Variants in SGCZ observed in about 807,000 individuals in gnomAD.
SGCZ encodes the protein sarcoglycan zeta.
In SGCZ, 40 loss-of-function variants were observed where a neutral mutation model predicts 41.3. That is an observed-to-expected ratio of 0.97 (90% CI 0.75 to 1.26). The LOEUF (loss-of-function observed/expected upper bound fraction) is 1.26. Ranked by LOEUF, SGCZ falls within the 50% of genes most tolerant of loss-of-function variation. SGCZ has a pLI of 0.00. For missense variants in SGCZ, 552 were observed against 369.8 expected, an observed-to-expected ratio of 1.49 and a Z score of -4.04; for synonymous variants, 206 against 137.5, an observed-to-expected ratio of 1.50 and a Z score of -3.49.
rs567343406 is a variant in SGCZ, at chr8:14,627,139, T to C, written c.40-72213A>G. Among the ~76,000 whole-genome samples, 10 of 152,342 alleles carry C rather than the reference T, an allele frequency of 6.6e-5. No homozygotes were observed. The South Asian group carries it at 2.1e-3, about 32-fold the overall frequency. ...TGATACAAATTGTTAATACATTTAC[T>C]AGTAAAATATGTATTCTTTGAAAAT... On this transcript the variant is annotated intron_variant, in intron 1 of 7. Transcript: ENST00000382080.
chr8:14,546,057 G>C (rs1275018022), intron 2 of SGCZ, among the ~76,000 whole-genome samples: 1 of 152,168 alleles, frequency 6.6e-6, no homozygotes, highest in African/African-American at 2.4e-5. Flanking sequence ...TCATCTGAGA[G>C]GGACAATTTG....
At chr8:14,594,345 C>T (rs866398933) in intron 1 of SGCZ, among the ~76,000 whole-genome samples, 1 of 151,740 alleles carries the variant, frequency 6.6e-6, no homozygotes. Flanking sequence ...GGTACCTAAC[C>T]TTAGGAAACA....
At chr8:14,428,761 G>T (rs1356748946) in intron 2 of SGCZ, among the ~76,000 whole-genome samples, 3 of 152,184 alleles carry the variant, frequency 2.0e-5, no homozygotes, top group Non-Finnish European at 4.4e-5. Context: ...GAGGAAGCTT[G>T]TTGAGGAGGT....
intron 1 of SGCZ, among the ~76,000 whole-genome samples, chr8:14,599,703 G>C (rs1027017706): frequency 6.6e-6 from 1 of 152,026 alleles, no homozygotes; most frequent in South Asian, 2.1e-4. Flanking sequence ...AAATGAACAC[G>C]TGTCCCTCTC....
At chr8:14,208,195 G>C (rs1231551686) in intron 4 of SGCZ, among the ~76,000 whole-genome samples, 2 of 152,174 alleles carry the variant, frequency 1.3e-5, no homozygotes, top group African/African-American at 4.8e-5. Flanking sequence ...CAGCTCTGTT[G>C]AAAGTTTTGG....
intron 1 of SGCZ, among the ~76,000 whole-genome samples, chr8:14,629,197 C>A (rs1024200718): frequency 2.6e-5 from 4 of 152,060 alleles, no homozygotes; most frequent in Admixed American, 6.6e-5. Flanking sequence ...ATATGGCAGC[C>A]TTCCAATACT....
At chr8:15,005,638 C>T (rs1330751686) in intron 1 of SGCZ, among the ~76,000 whole-genome samples, 1 of 89,814 alleles carries the variant, frequency 1.1e-5, no homozygotes, top group East Asian at 2.8e-4. Flanking sequence ...GGCAATCCCC[C>T]ATTTTTTTTC....
intron 2 of SGCZ, among the ~76,000 whole-genome samples, chr8:14,476,150 G>A (rs1214143242): frequency 1.3e-5 from 2 of 152,252 alleles, no homozygotes; most frequent in East Asian, 3.9e-4. Flanking sequence ...TGACGGCTGG[G>A]AAAACACTAT....
chr8:15,171,607 T>C (rs1183087543), intron 1 of SGCZ, among the ~76,000 whole-genome samples: 1 of 152,226 alleles, frequency 6.6e-6, no homozygotes, highest in Admixed American at 6.5e-5. Flanking sequence ...TCTGCAGCCA[T>C]AAAGTTTATT....
chr8:14,831,235 T>C (rs1802516272), intron 1 of SGCZ, among the ~76,000 whole-genome samples: 1 of 152,160 alleles, frequency 6.6e-6, no homozygotes, highest in Non-Finnish European at 1.5e-5. Flanking sequence ...GACGGCAAAA[T>C]ACTCATGGTG....
chr8:14,253,434 C>T (rs1278218723), intron 3 of SGCZ, among the ~76,000 whole-genome samples: 2 of 152,086 alleles, frequency 1.3e-5, no homozygotes, highest in African/African-American at 2.4e-5. Flanking sequence ...ATTTCAATTA[C>T]ATTTCCTTGA....
rs574378570 is a variant in SGCZ, at chr8:14,136,298, C to T, written c.548-28063G>A. ...TACCGGGTTAATCTCACTGGGACTGCGTGGACAGTGGGTGCAGCCCATGAA... is the reference window on the plus strand; with the variant it reads ...TACCGGGTTAATCTCACTGGGACTGTGTGGACAGTGGGTGCAGCCCATGAA... On this transcript the variant is annotated intron_variant, in intron 5 of 7. Transcript: ENST00000382080. Among the ~76,000 whole-genome samples, 21 of 152,192 alleles carry T rather than the reference C, an allele frequency of 1.4e-4. No homozygotes were observed. The East Asian group carries it at 1.7e-3, about 13-fold the overall frequency.
intron 1 of SGCZ, among the ~76,000 whole-genome samples, chr8:15,136,297 T>C (rs1278894016): frequency 6.6e-5 from 10 of 152,042 alleles, no homozygotes; most frequent in Admixed American, 5.2e-4. Context: ...ATGAGTTTAT[T>C]GGATGGTTCA....
At chr8:14,654,461 A>C (rs1355733719) in intron 1 of SGCZ, among the ~76,000 whole-genome samples, 1 of 152,178 alleles carries the variant, frequency 6.6e-6, no homozygotes, top group Non-Finnish European at 1.5e-5. Context: ...AGAATTAAGC[A>C]TGTAAAAATA....
intron 2 of SGCZ, among the ~76,000 whole-genome samples, chr8:14,388,501 A>C (rs946572025): frequency 9.9e-5 from 15 of 152,174 alleles, no homozygotes; most frequent in African/African-American, 3.6e-4. Flanking sequence ...TTTTAAAATA[A>C]ATATGCACAT....
chr8:14,351,989 T>C (rs1803115327), intron 2 of SGCZ, among the ~76,000 whole-genome samples: 1 of 152,104 alleles, frequency 6.6e-6, no homozygotes, highest in Non-Finnish European at 1.5e-5. Flanking sequence ...CCTTTTACAA[T>C]TATTTAGATA....
At chr8:14,373,421 T>C (rs1803984121) in intron 2 of SGCZ, among the ~76,000 whole-genome samples, 2 of 152,150 alleles carry the variant, frequency 1.3e-5, no homozygotes, top group East Asian at 1.9e-4. Context: ...TTGTGACTAC[T>C]CACCATAAAT....
At chr8:14,363,911 T>C (rs1230832375) in intron 2 of SGCZ, among the ~76,000 whole-genome samples, 1 of 152,196 alleles carries the variant, frequency 6.6e-6, no homozygotes, top group East Asian at 1.9e-4. Context: ...AGATTACATA[T>C]CACTGTTTCC....
At chr8:14,730,288 T>C (rs1810193242) in intron 1 of SGCZ, among the ~76,000 whole-genome samples, 1 of 152,070 alleles carries the variant, frequency 6.6e-6, no homozygotes, top group Non-Finnish European at 1.5e-5. Flanking sequence ...AAAATATAGA[T>C]ATAGAGAAAA....
Sources: gnomAD v4.1 joint callset for allele counts (sites outside exome capture counted in the v4.1 genomes callset) on GRCh38, gnomAD v4.1.1 for gene constraint, MANE v1.5 for transcripts, NCBI Gene and HGNC (gene_info 2026-07-23, HGNC 2026-07-21) for gene names.